ZNF263: variants seen among roughly 807,000 people sequenced by gnomAD.
The protein encoded by ZNF263 is zinc finger protein 263, also known as zinc finger protein FPM315.
ZNF263 carries 49 observed loss-of-function variants against 63.1 expected under a neutral mutation model. The observed-to-expected ratio is 0.78, with a 90% CI of 0.62 to 0.99. The LOEUF (loss-of-function observed/expected upper bound fraction) is 0.99. Ranked by LOEUF, ZNF263 falls within the 50% of genes least tolerant of loss-of-function variation. The pLI is 0.00. For missense variants in ZNF263, 872 were observed against 854.8 expected, an observed-to-expected ratio of 1.02 and a Z score of -0.25; for synonymous variants, 352 against 324.2, an observed-to-expected ratio of 1.09 and a Z score of -0.92.
intron 2 of ZNF263, chr16:3,300,526 C>G (rs1959909947): frequency 1.2e-6 from 2 of 1,613,838 alleles, no homozygotes; most frequent in East Asian, 4.5e-5. Flanking sequence ...ATCCATTACA[C>G]TTTTAAGTGA....
At chr16:3,284,911 A>G in intron 1 of ZNF263, 148 bp from the exon 2 acceptor site, 1 of 927,408 alleles carries the variant, frequency 1.1e-6, no homozygotes, top group Non-Finnish European at 1.6e-6. Context: ...GGATCAAAAA[A>G]GCCTTTAGTG....
rs184689904 is a variant in ZNF263 at position 3,288,643 on chromosome 16, G to A, written c.886+73G>A. 93 of 1,013,930 alleles carry A rather than the reference G, an allele frequency of 9.2e-5. No individual in the cohort carries two copies. The African/African-American group carries it at 1.4e-3, about 15-fold the overall frequency. The allele number at this position is 1,013,930 out of a possible 1,614,324, so 62.8% of individuals were successfully genotyped here. A position where few individuals can be genotyped will look rare whatever the true frequency, so the allele number is the denominator to read the frequency against. ...GCAGTTAAGAGTGAGGCATTTTTTG[G>A]TTTTGTTTTGTTTTGTTTTGAGATG... On this transcript the variant is annotated intron_variant, in intron 5 of 5. Transcript: ENST00000219069.
Position 3,289,720 on chromosome 16 carries a change from T to C in ZNF263, c.1214T>C (p.Leu405Pro), listed in dbSNP as rs1959528681. Residue 405 changes from leucine (L) to proline (P), a missense_variant, in exon 6 of 6, where the codon CTG becomes CCG. Transcript: ENST00000219069. The stretch of plus-strand genomic sequence containing the variant: ...CAGAGAATACATGCAGCTGAAAGAC[T>C]GTGTATGGGTGTGGACTGCACTGAA... ...RHQRIHAAER[L>P]CMGVDCTEIF... 1 of 1,614,074 alleles carries C rather than the reference T, an allele frequency of 6.2e-7. No homozygotes were observed. Among genetic ancestry groups the C allele is most frequent in the African/African-American group, 1.3e-5 (1 of 74,982 alleles).
chr16:3,300,049 T>G, intron 2 of ZNF263: 1 of 1,614,222 alleles, frequency 6.2e-7, no homozygotes, highest in Non-Finnish European at 8.5e-7. Flanking sequence ...CTGAGAATTT[T>G]CTGGCATTGA....
intron 2 of ZNF263, chr16:3,299,299 A>C (rs1341760403): frequency 6.2e-7 from 1 of 1,609,180 alleles, no homozygotes; most frequent in Non-Finnish European, 8.5e-7. Flanking sequence ...ATTTAACCAC[A>C]CCCTATCATC....
rs1201708428 is a variant in ZNF263, at chr16:3,283,571, C to T, written c.-248C>T. 3 of 400,410 alleles carry T rather than the reference C, an allele frequency of 7.5e-6. No individual in the cohort carries two copies. The highest frequency in any genetic ancestry group is 4.2e-5 in the African/African-American group (2 of 48,156). 24.8% of individuals were successfully genotyped at this position (400,410 alleles called of 1,614,324 possible). A position where few individuals can be genotyped will look rare whatever the true frequency, so the allele number is the denominator to read the frequency against. On this transcript the variant is annotated 5_prime_UTR_variant, in exon 1 of 6. Transcript: ENST00000219069. ...CCTCTATATAGGGTGAGAAGCGTGG[C>T]GCTCGGTTCCTGCCTCGGGGAAGTC...
downstream of ZNF263, chr16:3,293,154 C>T (rs1337201041): frequency 4.6e-5 from 7 of 152,204 alleles, no homozygotes; most frequent in African/African-American, 1.4e-4. Context: ...AAGGGAGGGA[C>T]CTGGTGGGAA....
chr16:3,293,223 C>T (rs905934493), downstream of ZNF263: 2 of 152,162 alleles, frequency 1.3e-5, no homozygotes, highest in Admixed American at 6.5e-5. Context: ...TGAATTCTCC[C>T]GAGAGCTGAT....
At chr16:3,300,640 C>A (rs780567072) in intron 2 of ZNF263, 1 of 1,523,922 alleles carries the variant, frequency 6.6e-7, no homozygotes. Context: ...GAACCACCAA[C>A]AGGAGAAAAC....
At chr16:3,284,312 T>C in intron 1 of ZNF263, 107 bp downstream of exon 1, 1 of 1,397,482 alleles carries the variant, frequency 7.2e-7, no homozygotes. Flanking sequence ...AGACCTTACG[T>C]GGGGAAGAGG....
chr16:3,293,325 C>T (rs762159118), downstream of ZNF263: 7 of 152,236 alleles, frequency 4.6e-5, no homozygotes, highest in Non-Finnish European at 8.8e-5. Flanking sequence ...TCCCCTTTGC[C>T]TTCCGCCATA....
chr16:3,299,617 C>T lies in ZNF263; in HGVS notation c.*46+461C>T, dbSNP rs1228385797. On this transcript the variant is annotated intron_variant, in intron 2 of 2. Transcript: ENST00000574674. The stretch of plus-strand genomic sequence containing the variant: ...CAGCCGTTTGCAGCTCAAGATCACA[C>T]CTTGATTCATTGGTTGAATCAAGGT... The T allele has an allele frequency of 6.4e-7, 1 of 1,564,422 alleles. No individual in the cohort carries two copies.
chr16:3,290,462 G>T lies in ZNF263; in HGVS notation c.1956G>T (p.Thr652=), dbSNP rs150137943. The T allele has an allele frequency of 6.2e-7, 1 of 1,614,020 alleles. No homozygotes were observed. Among genetic ancestry groups the T allele is most frequent in the Non-Finnish European group, 8.5e-7 (1 of 1,180,006 alleles). ...HSSNRIRHLR[T]HTGERPYKCS... ...CCAATCGGATTCGCCACCTGAGAAC[G>T]CATACGGGAGAGAGACCCTATAAAT... is the stretch of plus-strand genomic sequence containing the variant. Residue 652 remains threonine (T), a synonymous_variant, in exon 6 of 6, where the codon ACG becomes ACT. Transcript: ENST00000219069.
At chr16:3,287,714 T>G (rs1422952517) in intron 4 of ZNF263, among the ~76,000 whole-genome samples, 1 of 152,084 alleles carries the variant, frequency 6.6e-6, no homozygotes, top group East Asian at 1.9e-4. Context: ...TGGGTTTTAA[T>G]CTCATGGTCC....
At chr16:3,285,272 A>C in intron 2 of ZNF263, 33 bp downstream of exon 2, 1 of 1,587,454 alleles carries the variant, frequency 6.3e-7, no homozygotes, top group Non-Finnish European at 8.6e-7. Context: ...GGTGGGAGGG[A>C]GGAGGGGCTT....
Position 3,290,420 on chromosome 16 carries a change from C to G in ZNF263, c.1914C>G (p.Asp638Glu), listed in dbSNP as rs746518044. 6.2e-7 allele frequency: 1 copy of G among 1,614,128 alleles called. No individual in the cohort carries two copies. Among genetic ancestry groups the G allele is most frequent in the Admixed American group, 1.7e-5 (1 of 60,018 alleles). Residue 638 changes from aspartate (D) to glutamate (E), a missense_variant, in exon 6 of 6, where the codon GAC (aspartate) becomes GAG (glutamate). Transcript: ENST00000219069. ...EKPYTCHECG[D>E]SFSHSSNRIR... ...CCTATACCTGTCATGAGTGCGGAGA[C>G]AGCTTCTCTCACAGCTCCAATCGGA...
At chr16:3,286,272 C>T in intron 4 of ZNF263, 123 bp downstream of exon 4, 7 of 1,400,510 alleles carry the variant, frequency 5.0e-6, no homozygotes, top group South Asian at 4.7e-5. Context: ...GGAGACTTCC[C>T]TTTGTCTAAA....
chr16:3,285,737 GA>G lies in ZNF263; in HGVS notation c.626del (p.Glu209GlyfsTer2). The G allele has an allele frequency of 2.5e-6, 4 of 1,614,112 alleles. No homozygotes were observed. Among genetic ancestry groups the G allele is most frequent in the Non-Finnish European group, 3.4e-6 (4 of 1,180,018 alleles). On this transcript the variant is annotated frameshift_variant, in exon 3 of 6. Transcript: ENST00000219069. LOFTEE classifies it high-confidence loss of function. Reference sequence around the variant, plus strand: ...TCCTGAAGGGAACATGGAAGACAAGGAGATGACTGGGCCCCAGGTGATGTGG... The same window carrying G: ...TCCTGAAGGGAACATGGAAGACAAGGGATGACTGGGCCCCAGGTGATGTGG... ...FPPEGNMEDK[E>X]MTGPQLPESL...
chr16:3,289,841 G>A lies in ZNF263; in HGVS notation c.1335G>A (p.Gln445=). Residue 445 remains glutamine, a synonymous_variant, in exon 6 of 6, where the codon CAG becomes CAA. Coordinates refer to ENST00000219069, the MANE Select transcript of ZNF263 (RefSeq NM_005741.5). ...TTGAATGTGGGAAATGCTTCAGTCA[G>A]AACACCCATCTGACTCGCCACCAAC... ...KCLECGKCFS[Q]NTHLTRHQRT... is the part of the protein sequence containing the mutation. 1 of 1,614,226 alleles carries A rather than the reference G, an allele frequency of 6.2e-7. No homozygotes were observed. The highest frequency in any genetic ancestry group is 8.5e-7 in the Non-Finnish European group (1 of 1,180,048).
Sources: gnomAD v4.1 joint callset for allele counts (sites outside exome capture counted in the v4.1 genomes callset) on GRCh38, gnomAD v4.1.1 for gene constraint, MANE v1.5 for transcripts, NCBI Gene and HGNC (gene_info 2026-07-23, HGNC 2026-07-21) for gene names.